ANKRD31: variants seen among roughly 807,000 people sequenced by gnomAD.
ANKRD31 encodes ankyrin repeat domain 31, also known as ankyrin repeat domain-containing protein 31.
A neutral mutation model predicts 186.0 loss-of-function variants in ANKRD31; 147 were observed. The ratio of observed to expected loss-of-function variants is 0.79; its 90% CI spans 0.69 to 0.91. The LOEUF (loss-of-function observed/expected upper bound fraction) is 0.91. Among genes scored for constraint, ANKRD31 ranks in the 40% least tolerant of loss-of-function variants. The pLI, the probability that ANKRD31 is intolerant of heterozygous loss-of-function variation, is 0.00. For synonymous variants in ANKRD31, 673 were observed against 736.4 expected (o/e 0.91, Z 1.39); for missense variants, 1,986 against 2,148.8 (o/e 0.92, Z 1.50).
At chr5:75,118,889 G>A (rs1748523966) in intron 17 of ANKRD31, among the ~76,000 whole-genome samples, 1 of 152,026 alleles carries the variant, frequency 6.6e-6, no homozygotes, top group African/African-American at 2.4e-5. Context: ...CTGGAGGATA[G>A]GGTAGAAAAG....
chr5:75,069,932 A>C (rs4626318), intron 25 of ANKRD31, among the ~76,000 whole-genome samples: 28,727 of 152,136 alleles, frequency 0.19, 3,050 homozygotes, highest in South Asian at 0.4. Context: ...GGATGGCGCC[A>C]AAATGAGGAA....
intron 10 of ANKRD31, among the ~76,000 whole-genome samples, chr5:75,181,503 A>G (rs1332337712): frequency 6.6e-6 from 1 of 152,148 alleles, no homozygotes; most frequent in Admixed American, 6.6e-5. Context: ...CAACAACAAT[A>G]GATTGGATTA....
rs1757352493 is a variant in ANKRD31, at chr5:75,222,304, T to C, written c.233A>G (p.Glu78Gly). 6.5e-7 allele frequency: 1 copy of C among 1,536,944 alleles called. No homozygotes were observed. Among genetic ancestry groups the C allele is most frequent in the South Asian group, 1.2e-5 (1 of 84,036 alleles). ...CATCATCTTATTTTTATTCATTTGC[T>C]CTTGCAGATCCTCTCTGAGCTTAAA... ...LGFKLREDLQ[E>G]QMNKNKMMPV... The change falls in exon 3 of 26, where the codon GAG (glutamate) becomes GGG (glycine). Residue 78 changes from glutamate to glycine, a missense_variant. Physicochemically the swap from Glu to Gly is moderately conservative, Grantham distance 98. Transcript: ENST00000506364.
chr5:75,233,219 T>C (rs1422839711), intron 1 of ANKRD31, among the ~76,000 whole-genome samples: 2 of 151,860 alleles, frequency 1.3e-5, no homozygotes, highest in African/African-American at 2.4e-5. Context: ...CATGCCACCA[T>C]GCCCGGTTAA....
At chr5:75,158,138 G>C (rs1419013370) in intron 11 of ANKRD31, among the ~76,000 whole-genome samples, 1 of 152,080 alleles carries the variant, frequency 6.6e-6, no homozygotes, top group African/African-American at 2.4e-5. Flanking sequence ...CTGAGTTACT[G>C]GTCCCTGGCT....
intron 13 of ANKRD31, 139 bp downstream of exon 13, chr5:75,148,437 A>ACT: frequency 1.8e-6 from 1 of 550,440 alleles, no homozygotes; most frequent in Non-Finnish European, 3.0e-6. Flanking sequence ...ATTCTCATGC[A>ACT]ATTATTCTAG....
At chr5:75,226,276 T>C (rs1032799122) in intron 2 of ANKRD31, among the ~76,000 whole-genome samples, 1 of 152,180 alleles carries the variant, frequency 6.6e-6, no homozygotes, top group Non-Finnish European at 1.5e-5. Flanking sequence ...GCTGGTTTTG[T>C]TACCTGCTGA....
At position 75,118,244 on chromosome 5, in the gene ANKRD31, T is replaced by G. The variant is rs1748454816; in HGVS notation, c.3930A>C (p.Lys1310Asn). The G allele has an allele frequency of 6.6e-7, 1 of 1,519,930 alleles. No homozygotes were observed. Among genetic ancestry groups the G allele is most frequent in the Admixed American group, 2.2e-5 (1 of 45,486 alleles). The allele number at this position is 1,519,930 out of a possible 1,614,324, so 94.2% of individuals were successfully genotyped here. The part of the protein sequence containing the change: ...NGANPNQKDQ[K>N]QKSALDEADD... ...CTGCTTCATCCAAAGCACTCTTCTG[T>G]TTTTGATCTTTTTGATTAGGGTTTG... The change falls in exon 18 of 26, where the codon AAA (lysine) becomes AAC (asparagine). Residue 1310 changes from lysine (K) to asparagine (N), a missense_variant. Coordinates refer to ENST00000506364, the MANE Select transcript of ANKRD31 (RefSeq NM_001372053.1).
intron 9 of ANKRD31, among the ~76,000 whole-genome samples, chr5:75,189,418 C>T (rs1394280909): frequency 2.0e-5 from 3 of 152,088 alleles, no homozygotes; most frequent in Non-Finnish European, 4.4e-5. Context: ...GCTATCCTGC[C>T]CCATCCTAAA....
rs184451092 is a variant in ANKRD31, at chr5:75,236,222, C to T, written c.104+361G>A. ...TACCCATTTTCCTAGAACTGAGCTA[C>T]GAGTCTCTTGAAGCAAAATGAAGTC... is the stretch of plus-strand genomic sequence containing the variant. On this transcript the variant is annotated intron_variant, in intron 1 of 25. Coordinates refer to ENST00000506364, the MANE Select transcript of ANKRD31 (RefSeq NM_001372053.1). Among the ~76,000 whole-genome samples, 12 of 152,284 alleles carry T rather than the reference C, an allele frequency of 7.9e-5. No homozygotes were observed. The East Asian group carries it at 2.1e-3, about 27-fold the overall frequency.
At chr5:75,102,340 C>T (rs1746965417) in intron 22 of ANKRD31, among the ~76,000 whole-genome samples, 1 of 152,190 alleles carries the variant, frequency 6.6e-6, no homozygotes. Flanking sequence ...TCAGTTGGCC[C>T]TAATGGGAGA....
chr5:75,085,546 T>C (rs775609497), intron 23 of ANKRD31, among the ~76,000 whole-genome samples: 4 of 152,032 alleles, frequency 2.6e-5, no homozygotes, highest in African/African-American at 4.8e-5. Flanking sequence ...GAATTACAAG[T>C]GTGCGCCACC....
chr5:75,125,719 T>C (rs1245169071), intron 17 of ANKRD31, among the ~76,000 whole-genome samples: 4 of 152,132 alleles, frequency 2.6e-5, no homozygotes, highest in Non-Finnish European at 5.9e-5. Context: ...GGACCCTGGA[T>C]AGTGTTTTTC....
chr5:75,124,635 C>T (rs1447998715), intron 17 of ANKRD31, among the ~76,000 whole-genome samples: 1 of 152,032 alleles, frequency 6.6e-6, no homozygotes, highest in African/African-American at 2.4e-5. Flanking sequence ...ACTACTCAGC[C>T]ATAACAAAGA....
At chr5:75,232,648 G>T (rs999611495) in intron 1 of ANKRD31, among the ~76,000 whole-genome samples, 2 of 152,028 alleles carry the variant, frequency 1.3e-5, no homozygotes, top group African/African-American at 4.8e-5. Flanking sequence ...TATCTTGATT[G>T]TGATAGTAGT....
chr5:75,222,118 G>A (rs1165467181), intron 3 of ANKRD31, 131 bp downstream of exon 3: 2 of 594,024 alleles, frequency 3.4e-6, no homozygotes, highest in Non-Finnish European at 5.6e-6. Context: ...TTAAGAAAGA[G>A]GTAAAAATTA....
intron 11 of ANKRD31, among the ~76,000 whole-genome samples, chr5:75,164,649 G>C (rs567931584): frequency 6.6e-6 from 1 of 152,318 alleles, no homozygotes; most frequent in African/African-American, 2.4e-5. Context: ...CCAGAAGAGT[G>C]AGGCTCTAGC....
At chr5:75,079,409 G>A (rs182013703) in intron 25 of ANKRD31, among the ~76,000 whole-genome samples, 9 of 151,930 alleles carry the variant, frequency 5.9e-5, no homozygotes, top group African/African-American at 1.9e-4. Context: ...TCATAAAGAG[G>A]GAGAGGGAGA....
Position 75,192,723 on chromosome 5 carries a change from G to A in ANKRD31, c.1352C>T (p.Ala451Val). 2 of 1,535,174 alleles carry A rather than the reference G, an allele frequency of 1.3e-6. No homozygotes were observed. The highest frequency in any genetic ancestry group is 1.7e-6 in the Non-Finnish European group (2 of 1,145,956). Residue 451 changes from alanine to valine, a missense_variant, in exon 9 of 26, where the codon GCA becomes GTA. Ala to Val is a moderately conservative substitution (Grantham distance 64, BLOSUM62 0). Coordinates refer to ENST00000506364, the MANE Select transcript of ANKRD31 (RefSeq NM_001372053.1). ...GATCTGTTTTCCATTCTTGAACCTT[G>A]CTGAATGCATATTCTTCTCTTTACC... ...IDGKEKNMHS[A>V]RFKNGKQIRK...
Sources: gnomAD v4.1 joint callset for allele counts (sites outside exome capture counted in the v4.1 genomes callset) on GRCh38, gnomAD v4.1.1 for gene constraint, MANE v1.5 for transcripts, NCBI Gene and HGNC (gene_info 2026-07-23, HGNC 2026-07-21) for gene names.